SOX5: variants seen among roughly 807,000 people sequenced by gnomAD.
SOX5 encodes the protein SRY-box transcription factor 5.
Under a neutral mutation model 92.0 loss-of-function variants are expected in SOX5, and 9 were observed. The ratio of observed to expected loss-of-function variants is 0.10; its 90% CI spans 0.06 to 0.17. SOX5 has a LOEUF of 0.17. SOX5 is among the 10% of genes least tolerant of loss of function. SOX5 has a pLI of 1.00. For synonymous variants in SOX5, 344 were observed against 336.3 expected, an observed-to-expected ratio of 1.02 and a Z score of -0.25; for missense variants, 642 against 944.5, an observed-to-expected ratio of 0.68 and a Z score of 4.20.
chr12:24,146,266 C>T (rs1393594037), intron 4 of SOX5, among the ~76,000 whole-genome samples: 2 of 151,846 alleles, frequency 1.3e-5, no homozygotes, highest in African/African-American at 2.4e-5. Context: ...TTAAATGATT[C>T]GAATCCTACA....
chr12:24,243,649 T>C (rs1198152250), intron 3 of SOX5, among the ~76,000 whole-genome samples: 1 of 152,194 alleles, frequency 6.6e-6, no homozygotes, highest in Admixed American at 6.5e-5. Context: ...AGTGGTATTA[T>C]AGAATGATTT....
chr12:23,771,345 A>G (rs548228522), intron 3 of SOX5, among the ~76,000 whole-genome samples: 1 of 152,304 alleles, frequency 6.6e-6, no homozygotes, highest in South Asian at 2.1e-4. Context: ...TTCACAACAA[A>G]AGACCTACTG....
intron 1 of SOX5, among the ~76,000 whole-genome samples, chr12:24,487,159 T>A (rs144052028): frequency 6.6e-6 from 1 of 152,198 alleles, no homozygotes; most frequent in Non-Finnish European, 1.5e-5. Flanking sequence ...ACTTCTGATA[T>A]GCTAAAATGA....
At chr12:24,037,072 T>A (rs10842264) in intron 4 of SOX5, among the ~76,000 whole-genome samples, 43,545 of 151,912 alleles carry the variant, frequency 0.29, 7,148 homozygotes, top group East Asian at 0.62. Flanking sequence ...ATGAACAAGG[T>A]TGTCTCTTTA....
At chr12:23,623,876 T>C (rs568363265) in intron 8 of SOX5, among the ~76,000 whole-genome samples, 1 of 152,098 alleles carries the variant, frequency 6.6e-6, no homozygotes, top group Admixed American at 6.6e-5. Context: ...AGAAGAGATA[T>C]GTGTATATCC....
At chr12:24,196,323 T>C (rs2139473405) in intron 4 of SOX5, among the ~76,000 whole-genome samples, 1 of 152,342 alleles carries the variant, frequency 6.6e-6, no homozygotes, top group South Asian at 2.1e-4. Context: ...CACAATGACA[T>C]GATAAAACAG....
intron 1 of SOX5, among the ~76,000 whole-genome samples, chr12:24,369,207 G>A (rs917373505): frequency 5.3e-5 from 8 of 152,178 alleles, no homozygotes; most frequent in Non-Finnish European, 1.0e-4. Context: ...CTTCAGCTAT[G>A]AGAACATGAT....
intron 2 of SOX5, among the ~76,000 whole-genome samples, chr12:24,321,200 A>G (rs1950187156): frequency 6.6e-6 from 1 of 152,090 alleles, no homozygotes; most frequent in Non-Finnish European, 1.5e-5. Flanking sequence ...ATGTCTAAGA[A>G]CTCACTTCTG....
intron 2 of SOX5, among the ~76,000 whole-genome samples, chr12:24,322,875 G>T (rs1261120950): frequency 6.6e-6 from 1 of 151,972 alleles, no homozygotes; most frequent in Non-Finnish European, 1.5e-5. Context: ...CATTATTTTT[G>T]TCCCACTTTC....
At chr12:24,273,642 G>A (rs1944057151) in intron 3 of SOX5, among the ~76,000 whole-genome samples, 1 of 151,950 alleles carries the variant, frequency 6.6e-6, no homozygotes, top group Non-Finnish European at 1.5e-5. Context: ...CGGTTTTTTG[G>A]CTTTCTTAGT....
At chr12:24,049,454 A>G (rs1957341894) in intron 4 of SOX5, among the ~76,000 whole-genome samples, 1 of 152,178 alleles carries the variant, frequency 6.6e-6, no homozygotes, top group East Asian at 1.9e-4. Context: ...ATTATTTTAA[A>G]ACAATTAAGA....
chr12:23,770,339 A>G (rs2094892494), intron 3 of SOX5, among the ~76,000 whole-genome samples: 1 of 152,048 alleles, frequency 6.6e-6, no homozygotes, highest in Admixed American at 6.6e-5. Flanking sequence ...GAAAACCCTG[A>G]ATTATCAAGG....
At chr12:23,976,027 T>C (rs1948851710) in intron 4 of SOX5, among the ~76,000 whole-genome samples, 1 of 152,180 alleles carries the variant, frequency 6.6e-6, no homozygotes, top group Non-Finnish European at 1.5e-5. Context: ...AAATATTTTA[T>C]GTATAATATA....
intron 4 of SOX5, among the ~76,000 whole-genome samples, chr12:24,004,933 G>A (rs1040625609): frequency 1.3e-5 from 2 of 152,014 alleles, no homozygotes; most frequent in South Asian, 4.1e-4. Flanking sequence ...TTCAGCAATA[G>A]AAAGTAAAAA....
Position 23,747,315 on chromosome 12 carries a change from A to G in SOX5, c.569-6276T>C, listed in dbSNP as rs756430933. Among the ~76,000 whole-genome samples the G allele has an allele frequency of 9.9e-5, 15 of 152,132 alleles. No homozygotes were observed. The East Asian group carries it at 2.7e-3, about 27-fold the overall frequency. ...CAATTGCTTTCTAGTCATTGTCTCT[A>G]TTTCTACTTGTTTCCTTACTAAAAT... On this transcript the variant is annotated intron_variant, in intron 4 of 14. Transcript: ENST00000451604.
chr12:23,559,960 G>C (rs1945901171), intron 11 of SOX5, among the ~76,000 whole-genome samples: 1 of 152,080 alleles, frequency 6.6e-6, no homozygotes. Flanking sequence ...GCCCAGGCTG[G>C]AGTACAATGG....
intron 4 of SOX5, among the ~76,000 whole-genome samples, chr12:24,116,335 AAC>A (rs1324420036): frequency 6.6e-6 from 1 of 152,168 alleles, no homozygotes; most frequent in Non-Finnish European, 1.5e-5. Flanking sequence ...ATTATACTGA[AAC>A]ACAAAAATAT....
chr12:24,327,336 G>T (rs934658880), intron 2 of SOX5, among the ~76,000 whole-genome samples: 13 of 141,134 alleles, frequency 9.2e-5, no homozygotes, highest in African/African-American at 2.9e-4. Flanking sequence ...TGTCCATACA[G>T]ATGACGCAGG....
intron 3 of SOX5, among the ~76,000 whole-genome samples, chr12:24,251,022 C>T (rs1395114069): frequency 6.6e-6 from 1 of 152,150 alleles, no homozygotes; most frequent in African/African-American, 2.4e-5. Context: ...TAGTAAAGAC[C>T]AACATCCAAG....
Sources: allele counts gnomAD v4.1 joint callset (sites outside exome capture counted in the v4.1 genomes callset), GRCh38; gene constraint gnomAD v4.1.1; transcripts MANE v1.5; gene names NCBI Gene and HGNC (gene_info 2026-07-23, HGNC 2026-07-21).